RFTN1: variants seen among roughly 807,000 people sequenced by gnomAD.
RFTN1 encodes raftlin.
A neutral mutation model predicts 46.5 loss-of-function variants in RFTN1; 26 were observed. The ratio of observed to expected loss-of-function variants is 0.56; its 90% confidence interval spans 0.41 to 0.78. The LOEUF (loss-of-function observed/expected upper bound fraction) is 0.78. Ranked by LOEUF, RFTN1 falls within the 30% of genes least tolerant of loss-of-function variation. RFTN1 has a pLI of 0.00. For missense variants in RFTN1, 693 were observed against 718.7 expected (o/e 0.96, Z 0.41); for synonymous variants, 261 against 284.2 (o/e 0.92, Z 0.82).
rs867759721 is a variant in RFTN1 at position 16,404,343 on chromosome 3, T to A, written c.441+5032A>T. ...TATAATATATAATATATAATATATA[T>A]AATATATAATATATATACACAATAT... On this transcript the variant is annotated intron_variant, in intron 4 of 9. Coordinates refer to ENST00000334133, the MANE Select transcript of RFTN1 (RefSeq NM_015150.2). Among the ~76,000 whole-genome samples, 23 of 28,890 alleles carry A rather than the reference T, an allele frequency of 8.0e-4. 5 individuals carry two copies. Among genetic ancestry groups the A allele is most frequent in the African/African-American group, 3.1e-3 (15 of 4,796 alleles). The allele number at this position is 28,890 out of a possible 152,430, so 19.0% of individuals were successfully genotyped here. A position where few individuals can be genotyped will look rare whatever the true frequency, so the allele number is the denominator to read the frequency against.
At chr3:16,390,345 G>A (rs765043594) in intron 4 of RFTN1, among the ~76,000 whole-genome samples, 1 of 152,152 alleles carries the variant, frequency 6.6e-6, no homozygotes, top group Non-Finnish European at 1.5e-5. Flanking sequence ...AAATGTAAAC[G>A]AGGATAACAC....
intron 3 of RFTN1, among the ~76,000 whole-genome samples, chr3:16,415,321 G>T (rs531582114): frequency 6.6e-6 from 1 of 151,360 alleles, no homozygotes; most frequent in East Asian, 1.9e-4. Flanking sequence ...ACAGGCTTAG[G>T]GGGGAAGAAA....
chr3:16,347,443 T>C (rs2071800060), intron 7 of RFTN1, among the ~76,000 whole-genome samples: 1 of 152,244 alleles, frequency 6.6e-6, no homozygotes, highest in African/African-American at 2.4e-5. Flanking sequence ...TTTTGGAGGC[T>C]AGGGGGAGAA....
rs1368904015 is a variant in RFTN1 at position 16,443,943 on chromosome 3, GC to G, written c.146-9907del. ...GACACAGGCTAAGATACATCAAGAA[GC>G]CTTTTTAAGAAACACCAGGTCCCCT... is the stretch of plus-strand genomic sequence containing the variant. On this transcript the variant is annotated intron_variant, in intron 2 of 9. Transcript: ENST00000334133. The surrounding 1 kb of genome is among the most constrained non-coding windows in gnomAD (Gnocchi z 5.5). 1.3e-5 allele frequency among the ~76,000 whole-genome samples: 2 copies of G among 152,108 alleles called. No individual in the cohort carries two copies. Among genetic ancestry groups the G allele is most frequent in the Admixed American group, 6.5e-5 (1 of 15,272 alleles).
In RFTN1 at chr3:16,429,584, C is replaced by T. The variant is rs943124313; in HGVS notation, c.332+4267G>A. Among the ~76,000 whole-genome samples the T allele has an allele frequency of 6.6e-6, 1 of 152,180 alleles. No homozygotes were observed. The highest frequency in any genetic ancestry group is 1.5e-5 in the Non-Finnish European group (1 of 68,034). On this transcript the variant is annotated intron_variant, in intron 3 of 9. Coordinates refer to ENST00000334133, the MANE Select transcript of RFTN1 (RefSeq NM_015150.2). This position sits in a 1 kb window ranked among gnomAD's most constrained non-coding sequence, Gnocchi z 6.4. ...ACTGCAAGTGCTTGGAAGGCAGGCT[C>T]CACATTCAACTGAGCCTGGCATTTG... is the stretch of plus-strand genomic sequence containing the variant.
At chr3:16,391,217 T>C (rs1490958358) in intron 4 of RFTN1, among the ~76,000 whole-genome samples, 1 of 152,212 alleles carries the variant, frequency 6.6e-6, no homozygotes, top group African/African-American at 2.4e-5. Flanking sequence ...AGAATGAAGA[T>C]GTAGATTGGG....
rs12489896 is a variant in RFTN1 at position 16,327,692 on chromosome 3, T to C, written c.1147-816A>G. On this transcript the variant is annotated intron_variant, in intron 7 of 9. Coordinates refer to ENST00000334133, the MANE Select transcript of RFTN1 (RefSeq NM_015150.2). The surrounding 1 kb of genome is among the most constrained non-coding windows in gnomAD (Gnocchi z 4.2). ...AGGAGAATGGCGTGAACCCGGGAGG[T>C]GGAGCTTGCAGTGAGCTGAGATGGC... is the stretch of plus-strand genomic sequence containing the variant. Among the ~76,000 whole-genome samples, 8,027 of 150,400 alleles carry C rather than the reference T, an allele frequency of 0.053. 287 individuals are homozygous for C. Among genetic ancestry groups the C allele is most frequent in the Middle Eastern group, 0.086 (25 of 292 alleles).
intron 2 of RFTN1, among the ~76,000 whole-genome samples, chr3:16,476,953 C>T (rs535288925): frequency 6.6e-5 from 10 of 152,240 alleles, no homozygotes; most frequent in South Asian, 2.1e-4. Flanking sequence ...AGGCGGATGA[C>T]GACACCAAGA....
At chr3:16,326,683 A>G in intron 8 of RFTN1, 90 bp downstream of exon 8, 1 of 952,286 alleles carries the variant, frequency 1.1e-6, no homozygotes, top group Non-Finnish European at 1.6e-6. Flanking sequence ...ACAGGATTAA[A>G]TAATTTATAG....
At position 16,459,129 on chromosome 3, in the gene RFTN1, C is replaced by T. The variant is rs1299148594; in HGVS notation, c.146-25092G>A. Among the ~76,000 whole-genome samples the T allele has an allele frequency of 1.3e-5, 2 of 152,062 alleles. No homozygotes were observed. The highest frequency in any genetic ancestry group is 2.4e-5 in the African/African-American group (1 of 41,382). ...TGTATTTTTTGTAGAGATGAGGTTTCGCTGTTGCTCAGGCTAGTCTTGAAC... is the reference window on the plus strand; with the variant it reads ...TGTATTTTTTGTAGAGATGAGGTTTTGCTGTTGCTCAGGCTAGTCTTGAAC... On this transcript the variant is annotated intron_variant, in intron 2 of 9. Coordinates refer to ENST00000334133, the MANE Select transcript of RFTN1 (RefSeq NM_015150.2). The surrounding 1 kb of genome is among the most constrained non-coding windows in gnomAD (Gnocchi z 4.2).
Position 16,334,262 on chromosome 3 carries a change from G to A in RFTN1, c.1147-7386C>T, listed in dbSNP as rs1247647209. 2.6e-5 allele frequency among the ~76,000 whole-genome samples: 4 copies of A among 152,174 alleles called. No individual in the cohort carries two copies. Among genetic ancestry groups the A allele is most frequent in the African/African-American group, 4.8e-5 (2 of 41,442 alleles). On this transcript the variant is annotated intron_variant, in intron 7 of 9. Transcript: ENST00000334133. The surrounding 1 kb of genome is among the most constrained non-coding windows in gnomAD (Gnocchi z 4.3). Reference sequence around the variant, plus strand: ...TAAAAACCCAAAAGTTAGGCAGCCCGCTTTGTTGCCAAGGCCGTGGGGAAG... The same window carrying A: ...TAAAAACCCAAAAGTTAGGCAGCCCACTTTGTTGCCAAGGCCGTGGGGAAG...
chr3:16,351,341 TG>T lies in RFTN1; in HGVS notation c.1146+6590del, dbSNP rs765735818. Among the ~76,000 whole-genome samples, 1 of 152,128 alleles carries T rather than the reference TG, an allele frequency of 6.6e-6. No homozygotes were observed. The highest frequency in any genetic ancestry group is 1.5e-5 in the Non-Finnish European group (1 of 68,016). ...ATGAAGCCTTCAGGGAAGCCAAGGC[TG>T]GAAGATCCCCAGAATGAAGGATGAT... On this transcript the variant is annotated intron_variant, in intron 7 of 9. Coordinates refer to ENST00000334133, the MANE Select transcript of RFTN1 (RefSeq NM_015150.2). This position sits in a 1 kb window ranked among gnomAD's most constrained non-coding sequence, Gnocchi z 5.4.
chr3:16,408,197 G>T (rs749448736), intron 4 of RFTN1, among the ~76,000 whole-genome samples: 1 of 151,954 alleles, frequency 6.6e-6, no homozygotes, highest in Non-Finnish European at 1.5e-5. Context: ...TGTTTGGAGG[G>T]CTTCCCGACC....
At chr3:16,397,691 G>A (rs1233924574) in intron 4 of RFTN1, among the ~76,000 whole-genome samples, 1 of 152,052 alleles carries the variant, frequency 6.6e-6, no homozygotes, top group Non-Finnish European at 1.5e-5. Context: ...TTCCATGGTT[G>A]GTAGGTGGTC....
At chr3:16,455,344 T>G (rs1449298762) in intron 2 of RFTN1, among the ~76,000 whole-genome samples, 1 of 152,224 alleles carries the variant, frequency 6.6e-6, no homozygotes, top group Non-Finnish European at 1.5e-5. Context: ...TTCTACTTTG[T>G]GTGCGTATGT....
At chr3:16,401,339 A>C (rs2074597616) in intron 4 of RFTN1, among the ~76,000 whole-genome samples, 1 of 145,488 alleles carries the variant, frequency 6.9e-6, no homozygotes. Context: ...AAAAAAAAAA[A>C]GACGGGGTGG....
rs762973084 is a variant in RFTN1 at position 16,479,544 on chromosome 3, T to C, written c.145+14181A>G. 5.3e-5 allele frequency among the ~76,000 whole-genome samples: 8 copies of C among 152,242 alleles called. No homozygotes were observed. The highest frequency in any genetic ancestry group is 1.0e-4 in the Non-Finnish European group (7 of 68,038). The stretch of plus-strand genomic sequence containing the variant: ...TACAGCATTATTCCAGCCTGGGCTA[T>C]TAGAAACAGCATCAGTAACTTTTCT... On this transcript the variant is annotated intron_variant, in intron 2 of 9. Coordinates refer to ENST00000334133, the MANE Select transcript of RFTN1 (RefSeq NM_015150.2). The surrounding 1 kb of genome is among the most constrained non-coding windows in gnomAD (Gnocchi z 5.1).
chr3:16,424,814 T>A lies in RFTN1; in HGVS notation c.332+9037A>T, dbSNP rs2075259662. ...TTAAATCATTAATAATGTACTTATA[T>A]ACATCTAAACATTATATCTCACCTA... On this transcript the variant is annotated intron_variant, in intron 3 of 9. Transcript: ENST00000334133. The surrounding 1 kb of genome is among the most constrained non-coding windows in gnomAD (Gnocchi z 4.7). Among the ~76,000 whole-genome samples the A allele has an allele frequency of 6.6e-6, 1 of 152,210 alleles. No homozygotes were observed. The highest frequency in any genetic ancestry group is 2.4e-5 in the African/African-American group (1 of 41,460).
At chr3:16,453,270 T>G (rs545577531) in intron 2 of RFTN1, among the ~76,000 whole-genome samples, 9 of 152,330 alleles carry the variant, frequency 5.9e-5, no homozygotes, top group Non-Finnish European at 8.8e-5. Flanking sequence ...ACTAAGCTAA[T>G]GTTCTCATTC....
Sources: gnomAD v4.1 joint callset for allele counts (sites outside exome capture counted in the v4.1 genomes callset) on GRCh38, gnomAD v4.1.1 for gene constraint, Gnocchi (gnomAD v3.1) non-coding constraint, MANE v1.5 for transcripts, NCBI Gene and HGNC (gene_info 2026-07-23, HGNC 2026-07-21) for gene names.